The following PGAP4 variants were observed in gnomAD, a reference collection of about 807,000 sequenced individuals.
PGAP4 encodes GPI-N-acetylgalactosamine transferase PGAP4.
In PGAP4, 12 loss-of-function variants were observed where a neutral mutation model predicts 28.2. The observed-to-expected ratio is 0.42, with a 90% CI of 0.27 to 0.69. PGAP4 has a LOEUF of 0.69. Ranked by LOEUF, PGAP4 falls within the 30% of genes least tolerant of loss-of-function variation. The probability of loss-of-function intolerance (pLI) is 0.22; values close to 1 mark genes in which losing one functional copy is unlikely to be tolerated. For missense variants in PGAP4, 425 were observed against 513.5 expected (o/e 0.83, Z 1.67); for synonymous variants, 205 against 211.8 (o/e 0.97, Z 0.28).
upstream of PGAP4, among the ~76,000 whole-genome samples, chr9:101,490,924 G>A (rs894196095): frequency 6.6e-6 from 1 of 152,168 alleles, no homozygotes; most frequent in African/African-American, 2.4e-5. Context: ...TATGCCACAC[G>A]TTGGCTATTG....
rs1292909362 is a variant in PGAP4, at chr9:101,486,782, G to A, written c.-78+167C>T. On this transcript the variant is annotated intron_variant, in intron 1 of 1. Coordinates refer to ENST00000374848, the MANE Select transcript of PGAP4 (RefSeq NM_032342.3). This position sits in a 1 kb window ranked among gnomAD's most constrained non-coding sequence, Gnocchi z 4.7. ...CCGCTAGGCAACCCGCCTGCCCGAG[G>A]CGCACTGCCCGGGGCACAGGCCCTC... 1.3e-5 allele frequency among the ~76,000 whole-genome samples: 2 copies of A among 152,194 alleles called. No individual in the cohort carries two copies. Among genetic ancestry groups the A allele is most frequent in the Non-Finnish European group, 2.9e-5 (2 of 68,024 alleles).
chr9:101,492,880 T>A (rs1180450102), intron 2 of PGAP4, among the ~76,000 whole-genome samples: 1 of 152,106 alleles, frequency 6.6e-6, no homozygotes, highest in Non-Finnish European at 1.5e-5. Context: ...CTCTTCCAGT[T>A]TTAAGCTGAC....
At position 101,475,966 on chromosome 9, in the gene PGAP4, C is replaced by T; in HGVS notation, c.1127G>A (p.Arg376Lys). ...GAGGTTCGGCTCCACTACATAGGCC[C>T]TCTCTCCCTTGGCCCTCAACAGCGA... ...LYSLLRAKGERAYVVEPNLVK... is the reference protein window; with the variant it reads ...LYSLLRAKGEKAYVVEPNLVK... Residue 376 changes from arginine to lysine, a missense_variant, in exon 2 of 2, where the codon AGG becomes AAG. Transcript: ENST00000374848. The T allele has an allele frequency of 6.2e-7, 1 of 1,614,208 alleles. No homozygotes were observed. Among genetic ancestry groups the T allele is most frequent in the Non-Finnish European group, 8.5e-7 (1 of 1,180,034 alleles).
intron 2 of PGAP4, among the ~76,000 whole-genome samples, chr9:101,493,037 G>A (rs1373668431): frequency 2.0e-5 from 3 of 151,878 alleles, no homozygotes; most frequent in Admixed American, 2.0e-4. Context: ...GGCGGATCAC[G>A]AGATCAAGAG....
chr9:101,480,369 T>G (rs1826449713), intron 1 of PGAP4, among the ~76,000 whole-genome samples: 1 of 151,948 alleles, frequency 6.6e-6, no homozygotes, highest in African/African-American at 2.4e-5. Flanking sequence ...TGTTGTTGTT[T>G]GTTTGTTTGT....
At chr9:101,482,625 C>T (rs1276431564) in intron 1 of PGAP4, among the ~76,000 whole-genome samples, 4 of 152,188 alleles carry the variant, frequency 2.6e-5, no homozygotes, top group Admixed American at 2.6e-4. Flanking sequence ...AAATTATTTG[C>T]CAAGATTCTT....
intron 2 of PGAP4, among the ~76,000 whole-genome samples, chr9:101,494,135 T>C (rs1018717154): frequency 2.6e-5 from 4 of 152,036 alleles, no homozygotes; most frequent in African/African-American, 4.8e-5. Flanking sequence ...TGACAATTTT[T>C]ATTTACTCAT....
chr9:101,529,106 A>G (rs1390299209), intron 2 of PGAP4, among the ~76,000 whole-genome samples: 1 of 150,842 alleles, frequency 6.6e-6, no homozygotes, highest in South Asian at 2.1e-4. Context: ...TGTCCCTGCA[A>G]ATGACATGAT....
intron 1 of PGAP4, among the ~76,000 whole-genome samples, chr9:101,485,342 G>A (rs1159090975): frequency 6.6e-6 from 1 of 152,028 alleles, no homozygotes; most frequent in Non-Finnish European, 1.5e-5. Context: ...ATATTTCGAT[G>A]AGTTTTGTCA....
chr9:101,504,816 A>G (rs1179127599), intron 2 of PGAP4, among the ~76,000 whole-genome samples: 1 of 152,098 alleles, frequency 6.6e-6, no homozygotes, highest in Non-Finnish European at 1.5e-5. Flanking sequence ...AGGTAAGGAA[A>G]AATCACTGGC....
At chr9:101,507,277 A>G (rs1184879337) in intron 2 of PGAP4, among the ~76,000 whole-genome samples, 1 of 152,106 alleles carries the variant, frequency 6.6e-6, no homozygotes, top group Admixed American at 6.6e-5. Context: ...TATCTGTTAC[A>G]ATGGTTAGTA....
chr9:101,476,280 C>A lies in PGAP4; in HGVS notation c.813G>T (p.Leu271Phe), dbSNP rs771493396. 1.2e-6 allele frequency: 2 copies of A among 1,614,124 alleles called. No individual in the cohort carries two copies. The highest frequency in any genetic ancestry group is 1.1e-5 in the South Asian group (1 of 91,068). The change falls in exon 2 of 2, where the codon TTG becomes TTT. Residue 271 changes from leucine (L) to phenylalanine (F), a missense_variant. By Grantham distance (22) the Leu-to-Phe change is conservative (BLOSUM62 0). Transcript: ENST00000374848. The surrounding 1 kb of genome is among the most constrained non-coding windows in gnomAD (Gnocchi z 7.0). ...ATATCCAGGTTAGTAAGGGCCCCAGCAACATGCCTACACCAACCCATTCCA... is the reference window on the plus strand; with the variant it reads ...ATATCCAGGTTAGTAAGGGCCCCAGAAACATGCCTACACCAACCCATTCCA... ...RILEWVGVGM[L>F]LGPLLTWIYM...
intron 2 of PGAP4, among the ~76,000 whole-genome samples, chr9:101,504,250 G>C (rs1328566290): frequency 1.0e-4 from 3 of 29,436 alleles, no homozygotes; most frequent in African/African-American, 4.3e-4. Context: ...TTGGTTTCTT[G>C]GTTCTTGTAT....
rs1387664482 is a variant in PGAP4, at chr9:101,475,711, G to A, written c.*170C>T. The A allele has an allele frequency of 8.5e-6, 6 of 703,218 alleles. No homozygotes were observed. The Admixed American group carries it at 1.8e-4, about 21-fold the overall frequency. 43.6% of individuals were successfully genotyped at this position (703,218 alleles called of 1,614,324 possible). ...GGCAAACTGCTGCTCCTGCCAGGAG[G>A]CTACCAAAGCCAAGGCTCTTAACAT... is the stretch of plus-strand genomic sequence containing the variant. On this transcript the variant is annotated 3_prime_UTR_variant, in exon 2 of 2. Coordinates refer to ENST00000374848, the MANE Select transcript of PGAP4 (RefSeq NM_032342.3).
At chr9:101,506,942 C>G (rs759891410) in intron 2 of PGAP4, among the ~76,000 whole-genome samples, 25 of 152,066 alleles carry the variant, frequency 1.6e-4, no homozygotes, top group Admixed American at 7.2e-4. Flanking sequence ...TAGTTATTTC[C>G]CATTTTCCCG....
At position 101,474,709 on chromosome 9, in the gene PGAP4, A is replaced by G. The variant is rs1227611252; in HGVS notation, c.*1172T>C. Reference sequence around the variant, plus strand: ...TCTCATACTTTAAACAACATCACCAATATCTTTTTCCGAAATAAGCTTGAG... The same window carrying G: ...TCTCATACTTTAAACAACATCACCAGTATCTTTTTCCGAAATAAGCTTGAG... On this transcript the variant is annotated 3_prime_UTR_variant, in exon 2 of 2. Coordinates refer to ENST00000374848, the MANE Select transcript of PGAP4 (RefSeq NM_032342.3). The G allele has an allele frequency of 2.6e-5, 4 of 152,212 alleles. No individual in the cohort carries two copies. The highest frequency in any genetic ancestry group is 4.4e-5 in the Non-Finnish European group (3 of 68,032). The allele number at this position is 152,212 out of a possible 1,614,324, so 9.4% of individuals were successfully genotyped here. A position where few individuals can be genotyped will look rare whatever the true frequency, so the allele number is the denominator to read the frequency against.
At chr9:101,482,752 A>G (rs551394568) in intron 1 of PGAP4, among the ~76,000 whole-genome samples, 2 of 152,274 alleles carry the variant, frequency 1.3e-5, no homozygotes, top group South Asian at 4.2e-4. Flanking sequence ...TGACCTTTCC[A>G]ACCAGAAAGA....
chr9:101,492,378 G>C (rs1404540468), intron 2 of PGAP4, among the ~76,000 whole-genome samples: 1 of 152,080 alleles, frequency 6.6e-6, no homozygotes, highest in Admixed American at 6.5e-5. Flanking sequence ...ATTTTTAGTA[G>C]AGACCAGGTT....
Position 101,474,518 on chromosome 9 carries a change from T to C in PGAP4, c.*1363A>G, listed in dbSNP as rs1488856276. On this transcript the variant is annotated 3_prime_UTR_variant, in exon 2 of 2. Transcript: ENST00000374848. ...AGTCTCATTTCCAAGCTGGAGATCA[T>C]TTCCAGTTTGAATGAACAATTCTTC... 1 of 152,242 alleles carries C rather than the reference T, an allele frequency of 6.6e-6. No individual in the cohort carries two copies. The highest frequency in any genetic ancestry group is 1.9e-4 in the East Asian group (1 of 5,192). The allele number at this position is 152,242 out of a possible 1,614,324, so 9.4% of individuals were successfully genotyped here.
Sources: gnomAD v4.1 joint callset for allele counts (sites outside exome capture counted in the v4.1 genomes callset) on GRCh38, gnomAD v4.1.1 for gene constraint, Gnocchi (gnomAD v3.1) non-coding constraint, MANE v1.5 for transcripts, NCBI Gene and HGNC (gene_info 2026-07-23, HGNC 2026-07-21) for gene names.